Variants in ARHGAP42 observed in about 807,000 individuals in gnomAD.
ARHGAP42 encodes the protein rho GTPase-activating protein 42.
Under a neutral mutation model 125.0 loss-of-function variants are expected in ARHGAP42, and 63 were observed. The ratio of observed to expected loss-of-function variants is 0.50; its 90% CI spans 0.41 to 0.62. The LOEUF is 0.62. ARHGAP42 is among the 20% of genes least tolerant of loss of function. The probability of loss-of-function intolerance (pLI) is 0.00; values close to 1 mark genes in which losing one functional copy is unlikely to be tolerated. For synonymous variants in ARHGAP42, 339 were observed against 351.0 expected (o/e 0.97, Z 0.38); for missense variants, 766 against 1,024.2 (o/e 0.75, Z 3.44).
At chr11:100,957,628 A>G (rs923424700) in intron 12 of ARHGAP42, among the ~76,000 whole-genome samples, 6 of 152,120 alleles carry the variant, frequency 3.9e-5, no homozygotes, top group African/African-American at 9.6e-5. Context: ...CCAACACAGT[A>G]TATTCTTCCA....
intron 1 of ARHGAP42, among the ~76,000 whole-genome samples, chr11:100,742,278 C>A (rs933350101): frequency 1.3e-5 from 2 of 152,292 alleles, no homozygotes; most frequent in South Asian, 4.1e-4. Context: ...TCAGTGTCTT[C>A]CTTCATTTCC....
chr11:100,972,171 AC>A (rs1228223221), intron 17 of ARHGAP42, among the ~76,000 whole-genome samples: 1 of 152,154 alleles, frequency 6.6e-6, no homozygotes, highest in African/African-American at 2.4e-5. Context: ...ATAAAATCTT[AC>A]TTTTGGTTGT....
At chr11:100,912,585 A>G (rs182011075) in intron 4 of ARHGAP42, among the ~76,000 whole-genome samples, 1 of 152,296 alleles carries the variant, frequency 6.6e-6, no homozygotes, top group African/African-American at 2.4e-5. Context: ...TTTGTTTCAT[A>G]TGGACTTATA....
intron 1 of ARHGAP42, among the ~76,000 whole-genome samples, chr11:100,718,414 T>C (rs535982561): frequency 6.6e-6 from 1 of 152,336 alleles, no homozygotes; most frequent in South Asian, 2.1e-4. Context: ...CCATGTCTTT[T>C]AATTTTGTTC....
At chr11:100,897,753 G>T (rs1021795940) in intron 4 of ARHGAP42, among the ~76,000 whole-genome samples, 1 of 152,082 alleles carries the variant, frequency 6.6e-6, no homozygotes, top group East Asian at 1.9e-4. Flanking sequence ...GAGACGATGG[G>T]GTTTTCTAAG....
At chr11:100,716,944 T>A (rs538013155) in intron 1 of ARHGAP42, among the ~76,000 whole-genome samples, 14 of 152,306 alleles carry the variant, frequency 9.2e-5, no homozygotes, top group African/African-American at 3.4e-4. Context: ...AATTCCAGGA[T>A]GAGCTCTTGA....
intron 1 of ARHGAP42, among the ~76,000 whole-genome samples, chr11:100,702,792 C>T (rs1010983032): frequency 3.3e-5 from 5 of 151,978 alleles, no homozygotes; most frequent in Admixed American, 2.0e-4. Context: ...CTGCCTCAGC[C>T]TCCCGAGTAG....
intron 3 of ARHGAP42, among the ~76,000 whole-genome samples, chr11:100,808,206 A>ACT (rs1864045092): frequency 6.6e-6 from 1 of 152,194 alleles, no homozygotes; most frequent in Non-Finnish European, 1.5e-5. Flanking sequence ...GATATTCAGA[A>ACT]ATAAGGGAAC....
Position 100,908,263 on chromosome 11 carries a change from G to A in ARHGAP42, c.385-5189G>A, listed in dbSNP as rs1866803241. ...TGGTAAAGTTTGTTCTTCATCTTTG[G>A]TACTTGCTTGTCATCAGTGGAAGAC... On this transcript the variant is annotated intron_variant, in intron 4 of 23. Coordinates refer to ENST00000298815, the MANE Select transcript of ARHGAP42 (RefSeq NM_152432.4). Among the ~76,000 whole-genome samples, 4 of 152,038 alleles carry A rather than the reference G, an allele frequency of 2.6e-5. No individual in the cohort carries two copies. In the South Asian group the frequency reaches 8.3e-4, roughly 31 times the overall value.
At chr11:100,796,583 G>A (rs1037739858) in intron 3 of ARHGAP42, among the ~76,000 whole-genome samples, 18 of 152,110 alleles carry the variant, frequency 1.2e-4, no homozygotes, top group Non-Finnish European at 2.2e-4. Context: ...GCAAAGTGGT[G>A]AGTGCAAAGG....
chr11:100,839,447 C>CG (rs1864891565), intron 3 of ARHGAP42: 2 of 152,060 alleles, frequency 1.3e-5, no homozygotes, highest in Non-Finnish European at 1.5e-5. Context: ...TAAATGGAAA[C>CG]GCTCTTGACA....
At chr11:100,913,203 G>A (rs1196886739) in intron 4 of ARHGAP42, among the ~76,000 whole-genome samples, 4 of 152,094 alleles carry the variant, frequency 2.6e-5, no homozygotes, top group Non-Finnish European at 2.9e-5. Context: ...AAGGAGATGT[G>A]ACTTGCCCTG....
In ARHGAP42 at chr11:100,963,530, A is replaced by G. The variant is rs7935222; in HGVS notation, c.1444+1063A>G. ...CTTTAGTTTATTTGCACACATTGTA[A>G]TGTCACAGGAAATGTGTGCTGATAA... On this transcript the variant is annotated intron_variant, in intron 16 of 23. Transcript: ENST00000298815. 2.0e-3 allele frequency among the ~76,000 whole-genome samples: 308 copies of G among 152,348 alleles called. 1 individual carries two copies. Among genetic ancestry groups the G allele is most frequent in the African/African-American group, 7.2e-3 (298 of 41,592 alleles).
At chr11:100,899,722 G>GTTT (rs767815247) in intron 4 of ARHGAP42, among the ~76,000 whole-genome samples, 6 of 67,180 alleles carry the variant, frequency 8.9e-5, no homozygotes, top group East Asian at 3.4e-4. Flanking sequence ...TTTGTGTTTT[G>GTTT]TTTTTTTTTT....
At chr11:100,730,651 C>T (rs750799684) in intron 1 of ARHGAP42, among the ~76,000 whole-genome samples, 2 of 152,092 alleles carry the variant, frequency 1.3e-5, no homozygotes, top group Non-Finnish European at 2.9e-5. Flanking sequence ...TGCATTTTTT[C>T]CTTAAAGTGG....
chr11:100,864,630 A>C (rs1865524210), intron 4 of ARHGAP42, among the ~76,000 whole-genome samples: 2 of 152,200 alleles, frequency 1.3e-5, no homozygotes. Context: ...ATAGATGTGT[A>C]TTATACAGAA....
chr11:100,968,859 A>G (rs1858165521), intron 17 of ARHGAP42, among the ~76,000 whole-genome samples: 1 of 152,160 alleles, frequency 6.6e-6, no homozygotes, highest in Admixed American at 6.5e-5. Flanking sequence ...TGCATTTTAA[A>G]ATCAAGAAAA....
At chr11:100,873,826 A>T (rs999656906) in intron 4 of ARHGAP42, among the ~76,000 whole-genome samples, 5 of 152,178 alleles carry the variant, frequency 3.3e-5, no homozygotes, top group African/African-American at 7.2e-5. Flanking sequence ...CAGAGCAGGG[A>T]TTGAACGCAG....
intron 4 of ARHGAP42, among the ~76,000 whole-genome samples, chr11:100,892,815 C>G (rs1040978301): frequency 3.9e-5 from 6 of 152,144 alleles, no homozygotes; most frequent in Non-Finnish European, 8.8e-5. Flanking sequence ...CACTTGGTCA[C>G]ATTCATTAAT....
Sources: gnomAD v4.1 joint callset for allele counts (sites outside exome capture counted in the v4.1 genomes callset) on GRCh38, gnomAD v4.1.1 for gene constraint, MANE v1.5 for transcripts, NCBI Gene and HGNC (gene_info 2026-07-23, HGNC 2026-07-21) for gene names.